The following ANKRD36B variants were observed in gnomAD, a reference collection of about 807,000 sequenced individuals.
The protein encoded by ANKRD36B is ankyrin repeat domain-containing protein 36B.
Under a neutral mutation model 135.7 loss-of-function variants are expected in ANKRD36B, and 37 were observed. The observed-to-expected ratio is 0.27, with a 90% CI of 0.21 to 0.36. ANKRD36B has a LOEUF of 0.36. ANKRD36B is among the 10% of genes least tolerant of loss of function. The pLI is 1.00. For synonymous variants in ANKRD36B, 179 were observed against 348.1 expected (o/e 0.51, Z 5.41); for missense variants, 549 against 1,037.1 (o/e 0.53, Z 6.46).
At chr2:97,561,599 T>C (rs2081031172) in intron 6 of ANKRD36B, among the ~76,000 whole-genome samples, 1 of 151,922 alleles carries the variant, frequency 6.6e-6, no homozygotes, top group African/African-American at 2.4e-5. Context: ...ATAAAGTTTC[T>C]ACAAGCATTA....
intron 16 of ANKRD36B, 70 bp from the exon 17 acceptor site, chr2:97,551,550 T>G (rs895891176): frequency 1.3e-5 from 20 of 1,599,640 alleles, no homozygotes; most frequent in Middle Eastern, 2.3e-4. Context: ...ATTCATGCAG[T>G]GTTTGTATCA....
intron 8 of ANKRD36B, 118 bp downstream of exon 8, chr2:97,560,547 T>G (rs1255022701): frequency 7.0e-7 from 1 of 1,436,098 alleles, no homozygotes; most frequent in Admixed American, 2.1e-5. Context: ...ATGAAGAATC[T>G]CAGGTGTACT....
At chr2:97,570,526 T>C (rs1256654513) in intron 6 of ANKRD36B, among the ~76,000 whole-genome samples, 1 of 152,208 alleles carries the variant, frequency 6.6e-6, no homozygotes, top group African/African-American at 2.4e-5. Flanking sequence ...TTTTTGTATA[T>C]GTGTGAGACA....
intron 35 of ANKRD36B, among the ~76,000 whole-genome samples, chr2:97,528,160 T>A (rs2078326762): frequency 1.1e-5 from 1 of 94,122 alleles, no homozygotes; most frequent in Non-Finnish European, 2.8e-5. Context: ...GAAGTAAAGC[T>A]CTCCTCAGCA....
At position 97,534,916 on chromosome 2, in the gene ANKRD36B, T is replaced by A. The variant is rs1248161139; in HGVS notation, c.2191+1384A>T. 7.2e-5 allele frequency among the ~76,000 whole-genome samples: 7 copies of A among 97,426 alleles called. 1 individual carries two copies. Among genetic ancestry groups the A allele is most frequent in the Admixed American group, 1.8e-4 (2 of 10,922 alleles). The allele number at this position is 97,426 out of a possible 152,430, so 63.9% of individuals were successfully genotyped here. ...CAGCACTTTTCACAATAGCCATGAT[T>A]TGGAATCAACCTAAATGTACATCAA... On this transcript the variant is annotated intron_variant, in intron 34 of 43. Transcript: ENST00000359901.
In ANKRD36B at chr2:97,539,307, C is replaced by T. The variant is rs1289909575; in HGVS notation, c.1987+727G>A. The stretch of plus-strand genomic sequence containing the variant: ...TAGCTAATTGAAAAGCCAATATATG[C>T]ATATTCATGTTTATTTCATTTGAAT... On this transcript the variant is annotated intron_variant, in intron 30 of 43. Coordinates refer to ENST00000359901, the MANE Select transcript of ANKRD36B (RefSeq NM_001393939.1). Among the ~76,000 whole-genome samples, 6 of 96,768 alleles carry T rather than the reference C, an allele frequency of 6.2e-5. 2 individuals are homozygous for T. Among genetic ancestry groups the T allele is most frequent in the African/African-American group, 1.5e-4 (5 of 32,298 alleles). The allele number at this position is 96,768 out of a possible 152,430, so 63.5% of individuals were successfully genotyped here. A position where few individuals can be genotyped will look rare whatever the true frequency, so the allele number is the denominator to read the frequency against.
At position 97,585,409 on chromosome 2, in the gene ANKRD36B, G is replaced by C. The variant is rs1236052153; in HGVS notation, c.162-11C>G. On this transcript the variant is annotated splice_polypyrimidine_tract_variant and intron_variant, in intron 1 of 43. Transcript: ENST00000359901. The stretch of plus-strand genomic sequence containing the variant: ...AAATGTAGGGCAGTCCTGTGAGAGT[G>C]ACAGGACTTTTTAAAACATGTAACT... 1.9e-6 allele frequency: 3 copies of C among 1,557,618 alleles called. No homozygotes were observed. The highest frequency in any genetic ancestry group is 2.6e-6 in the Non-Finnish European group (3 of 1,149,860).
At chr2:97,535,483 TAAAACA>T (rs1376047002) in intron 34 of ANKRD36B, among the ~76,000 whole-genome samples, 3 of 75,690 alleles carry the variant, frequency 4.0e-5, no homozygotes, top group African/African-American at 1.7e-4. Context: ...AACAAAAAAA[TAAAACA>T]CACACACACA....
In ANKRD36B at chr2:97,541,688, A is replaced by C. The variant is rs1211235838; in HGVS notation, c.1885+223T>G. The C allele has an allele frequency of 8.4e-6, 4 of 473,432 alleles. 1 individual carries two copies. The highest frequency in any genetic ancestry group is 8.5e-6 in the Non-Finnish European group (2 of 235,874). 29.3% of individuals were successfully genotyped at this position (473,432 alleles called of 1,614,324 possible). A position where few individuals can be genotyped will look rare whatever the true frequency, so the allele number is the denominator to read the frequency against. Reference sequence around the variant, plus strand: ...TGTGCTAAACCACTCTCCTATGGTTATTCTTCCTAATTTCAATGTAGGGAA... The same window carrying C: ...TGTGCTAAACCACTCTCCTATGGTTCTTCTTCCTAATTTCAATGTAGGGAA... On this transcript the variant is annotated intron_variant, in intron 28 of 43. Transcript: ENST00000359901.
intron 12 of ANKRD36B, among the ~76,000 whole-genome samples, chr2:97,556,688 T>C (rs189384350): frequency 2.0e-5 from 3 of 151,944 alleles, no homozygotes; most frequent in Non-Finnish European, 4.4e-5. Flanking sequence ...GATCCTCTTA[T>C]GTCTTCAACT....
chr2:97,555,526 G>A (rs955385912), intron 12 of ANKRD36B, among the ~76,000 whole-genome samples: 7 of 151,836 alleles, frequency 4.6e-5, no homozygotes, highest in East Asian at 1.9e-4. Flanking sequence ...TGAATATGCC[G>A]AATGATGAGG....
chr2:97,576,237 TA>T (rs1324970981), intron 6 of ANKRD36B, 141 bp downstream of exon 6: 1 of 237,468 alleles, frequency 4.2e-6, no homozygotes, highest in African/African-American at 2.3e-5. Context: ...TAAATAATTA[TA>T]AAATCTAGAC....
intron 10 of ANKRD36B, among the ~76,000 whole-genome samples, chr2:97,558,362 G>A (rs1559186243): frequency 6.6e-6 from 1 of 151,982 alleles, no homozygotes; most frequent in South Asian, 2.1e-4. Context: ...TCTTCCTTGA[G>A]GAAAGTCATT....
At position 97,559,016 on chromosome 2, in the gene ANKRD36B, T is replaced by C. The variant is rs764095114; in HGVS notation, c.866-22A>G. On this transcript the variant is annotated intron_variant, in intron 8 of 43. Transcript: ENST00000359901. ...GACACTGAAAAGCAAAAGGGAAACA[T>C]AATCACTCACATGTACATATGATAA... 9 of 1,602,832 alleles carry C rather than the reference T, an allele frequency of 5.6e-6. No homozygotes were observed. In the African/African-American group the frequency reaches 1.1e-4, roughly 19 times the overall value.
chr2:97,578,249 T>C (rs1282797201), intron 5 of ANKRD36B, among the ~76,000 whole-genome samples: 1 of 151,800 alleles, frequency 6.6e-6, no homozygotes, highest in African/African-American at 2.4e-5. Context: ...AAAAAAACAG[T>C]TGTAACTTTG....
At chr2:97,564,150 T>G (rs1343625373) in intron 6 of ANKRD36B, among the ~76,000 whole-genome samples, 2 of 151,702 alleles carry the variant, frequency 1.3e-5, no homozygotes, top group Non-Finnish European at 2.9e-5. Flanking sequence ...TTTGGGTGAT[T>G]TCTTTTGCTT....
chr2:97,572,871 T>C (rs2081971246), intron 6 of ANKRD36B, among the ~76,000 whole-genome samples: 1 of 151,760 alleles, frequency 6.6e-6, no homozygotes, highest in Non-Finnish European at 1.5e-5. Flanking sequence ...TCCATGACAT[T>C]ATATAAAAGA....
At chr2:97,569,474 C>T (rs1033367700) in intron 6 of ANKRD36B, among the ~76,000 whole-genome samples, 7 of 152,074 alleles carry the variant, frequency 4.6e-5, no homozygotes, top group African/African-American at 9.6e-5. Context: ...ATTCTAATGG[C>T]GGGTACATTT....
intron 4 of ANKRD36B, among the ~76,000 whole-genome samples, chr2:97,579,968 T>A (rs372285788): frequency 6.6e-6 from 1 of 152,206 alleles, no homozygotes; most frequent in South Asian, 2.1e-4. Flanking sequence ...TTAAACCCAG[T>A]CCTGTGTGAA....
Sources: allele counts gnomAD v4.1 joint callset (sites outside exome capture counted in the v4.1 genomes callset), GRCh38; gene constraint gnomAD v4.1.1; transcripts MANE v1.5; gene names NCBI Gene and HGNC (gene_info 2026-07-23, HGNC 2026-07-21).